Variants in CLYBL observed in about 807,000 individuals in gnomAD.
CLYBL encodes the protein citramalyl-CoA lyase, mitochondrial.
CLYBL carries 31 observed loss-of-function variants against 38.9 expected under a neutral mutation model. The observed-to-expected ratio is 0.80, with a 90% CI of 0.60 to 1.08. The LOEUF is 1.08. Among genes scored for constraint, CLYBL ranks in the 50% least tolerant of loss-of-function variants. The probability of loss-of-function intolerance (pLI) is 0.00; values close to 1 mark genes in which losing one functional copy is unlikely to be tolerated. For synonymous variants in CLYBL, 171 were observed against 158.6 expected (o/e 1.08, Z -0.59); for missense variants, 434 against 411.6 (o/e 1.05, Z -0.47).
intron 1 of CLYBL, among the ~76,000 whole-genome samples, chr13:99,634,554 G>A (rs1400151955): frequency 6.6e-6 from 1 of 152,280 alleles, no homozygotes; most frequent in South Asian, 2.1e-4. Flanking sequence ...AACCTTCCCC[G>A]TGGAAAAGGG....
At chr13:99,655,339 G>A (rs1449831518) in intron 1 of CLYBL, among the ~76,000 whole-genome samples, 2 of 152,174 alleles carry the variant, frequency 1.3e-5, no homozygotes, top group African/African-American at 4.8e-5. Context: ...GCCTCCCAAA[G>A]TGCTGGGATT....
In CLYBL at chr13:99,750,206, C is replaced by T. The variant is rs190004493; in HGVS notation, c.63-22618C>T. The stretch of plus-strand genomic sequence containing the variant: ...TTATGCTCCTGCGACCCCCTCAGCC[C>T]CCTCAAAGGATTGGAGATACAGCGC... On this transcript the variant is annotated intron_variant, in intron 1 of 8. Transcript: ENST00000339105. 3.5e-3 allele frequency among the ~76,000 whole-genome samples: 530 copies of T among 152,286 alleles called. 4 individuals carry two copies. Among genetic ancestry groups the T allele is most frequent in the African/African-American group, 0.012 (510 of 41,562 alleles).
chr13:99,769,519 C>G (rs1025052320), intron 1 of CLYBL, among the ~76,000 whole-genome samples: 1 of 152,154 alleles, frequency 6.6e-6, no homozygotes, highest in Non-Finnish European at 1.5e-5. Context: ...GTTGCAAATT[C>G]TAGTCTCCAG....
chr13:99,710,881 CTTTTTTTTT>C (rs748011707), intron 1 of CLYBL, among the ~76,000 whole-genome samples: 2 of 83,892 alleles, frequency 2.4e-5, no homozygotes, highest in Non-Finnish European at 4.3e-5. Context: ...TTTCTAACCC[CTTTTTTTTT>C]TTTTTTTTTT....
intron 1 of CLYBL, among the ~76,000 whole-genome samples, chr13:99,655,905 CAG>C (rs2047323521): frequency 1.3e-5 from 2 of 152,326 alleles, no homozygotes; most frequent in South Asian, 2.1e-4. Context: ...ATACTGAGGA[CAG>C]AGAGGGCATG....
At chr13:99,841,214 C>A (rs1240210841) in intron 2 of CLYBL, among the ~76,000 whole-genome samples, 1 of 152,074 alleles carries the variant, frequency 6.6e-6, no homozygotes, top group Non-Finnish European at 1.5e-5. Context: ...ACCTGAAGAG[C>A]ACGGCGCACG....
chr13:99,840,578 C>T (rs1367496470), intron 2 of CLYBL, among the ~76,000 whole-genome samples: 2 of 151,584 alleles, frequency 1.3e-5, no homozygotes, highest in Admixed American at 6.6e-5. Flanking sequence ...GGCAATATGG[C>T]GAAAACCTGT....
intron 1 of CLYBL, among the ~76,000 whole-genome samples, chr13:99,728,125 A>G (rs893925445): frequency 6.6e-6 from 1 of 152,132 alleles, no homozygotes; most frequent in Non-Finnish European, 1.5e-5. Flanking sequence ...AGATCCCATT[A>G]TATTTCTTTT....
At chr13:99,637,962 C>CTTATTTTTTTTT (rs767108553) in intron 1 of CLYBL, among the ~76,000 whole-genome samples, 1 of 94,998 alleles carries the variant, frequency 1.1e-5, no homozygotes, top group African/African-American at 3.9e-5. Flanking sequence ...TCAACAGTGC[C>CTTATTTTTTTTT]TTTTTTTTTT....
chr13:99,842,657 A>T (rs550825329), intron 2 of CLYBL, among the ~76,000 whole-genome samples: 2 of 152,180 alleles, frequency 1.3e-5, no homozygotes, highest in South Asian at 4.2e-4. Flanking sequence ...CTCAGAACCA[A>T]CCCCAAGTGG....
intron 2 of CLYBL, among the ~76,000 whole-genome samples, chr13:99,840,155 A>G (rs1202648672): frequency 6.6e-6 from 1 of 151,242 alleles, no homozygotes; most frequent in Non-Finnish European, 1.5e-5. Context: ...AAGACTAACA[A>G]CCCTGCGATG....
At chr13:99,672,497 G>A (rs905570554) in intron 1 of CLYBL, among the ~76,000 whole-genome samples, 1 of 152,056 alleles carries the variant, frequency 6.6e-6, no homozygotes, top group Non-Finnish European at 1.5e-5. Context: ...TACAGGGCTG[G>A]GTGTGGTGGC....
intron 2 of CLYBL, among the ~76,000 whole-genome samples, chr13:99,825,816 G>A (rs1031465921): frequency 4.0e-4 from 61 of 152,324 alleles, no homozygotes; most frequent in African/African-American, 1.5e-3. Flanking sequence ...AGTCCCTCAT[G>A]GACACTGGTA....
rs543941480 is a variant in CLYBL at position 99,641,084 on chromosome 13, A to G, written c.62+34327A>G. 7.9e-5 allele frequency among the ~76,000 whole-genome samples: 12 copies of G among 152,340 alleles called. 1 individual carries two copies. Among genetic ancestry groups the G allele is most frequent in the African/African-American group, 1.4e-4 (6 of 41,586 alleles). ...TTTGAAAAGTATGTAACAGTTTTCT[A>G]TTGAGCGTTCTCTGAATATTCTTGC... is the stretch of plus-strand genomic sequence containing the variant. On this transcript the variant is annotated intron_variant, in intron 1 of 8. Coordinates refer to ENST00000339105, the MANE Select transcript of CLYBL (RefSeq NM_206808.5).
At chr13:99,755,392 A>T (rs1374335297) in intron 1 of CLYBL, among the ~76,000 whole-genome samples, 1 of 152,028 alleles carries the variant, frequency 6.6e-6, no homozygotes, top group Non-Finnish European at 1.5e-5. Flanking sequence ...TGGACCTGTG[A>T]TCTGTTCTTG....
intron 2 of CLYBL, among the ~76,000 whole-genome samples, chr13:99,782,716 T>G (rs1194333771): frequency 6.6e-6 from 1 of 152,126 alleles, no homozygotes; most frequent in East Asian, 1.9e-4. Context: ...CTCCCTTACA[T>G]TTTTGCTTCC....
intron 7 of CLYBL, among the ~76,000 whole-genome samples, chr13:99,876,420 CA>C (rs35512772): frequency 0.078 from 5,443 of 69,968 alleles, 204 homozygotes; most frequent in African/African-American, 0.21. Flanking sequence ...GACTCCGTCT[CA>C]AAAAAAAAAA....
At chr13:99,907,700 A>G (rs2052710993) in intron 9 of CLYBL, among the ~76,000 whole-genome samples, 1 of 152,162 alleles carries the variant, frequency 6.6e-6, no homozygotes, top group Admixed American at 6.5e-5. Flanking sequence ...TCTCTAAAAA[A>G]TAAATAAATA....
At chr13:99,675,213 G>T (rs2047625965) in intron 1 of CLYBL, among the ~76,000 whole-genome samples, 1 of 152,132 alleles carries the variant, frequency 6.6e-6, no homozygotes, top group Non-Finnish European at 1.5e-5. Flanking sequence ...CACTCATCAG[G>T]CTTTAATATT....
Sources: allele counts gnomAD v4.1 joint callset (sites outside exome capture counted in the v4.1 genomes callset), GRCh38; gene constraint gnomAD v4.1.1; transcripts MANE v1.5; gene names NCBI Gene and HGNC (gene_info 2026-07-23, HGNC 2026-07-21).